Variants in SEMA5A observed in about 807,000 individuals in gnomAD.
SEMA5A encodes semaphorin-5A.
In SEMA5A, 55 loss-of-function variants were observed where a neutral mutation model predicts 135.5. That is an observed-to-expected ratio of 0.41 (90% CI 0.33 to 0.51). The LOEUF (loss-of-function observed/expected upper bound fraction) is 0.51, where lower values mean the gene tolerates loss of function less well. Ranked by LOEUF, SEMA5A falls within the 20% of genes least tolerant of loss-of-function variation. The pLI is 0.37. For synonymous variants in SEMA5A, 580 were observed against 546.5 expected (o/e 1.06, Z -0.85); for missense variants, 1,290 against 1,419.9 (o/e 0.91, Z 1.47).
At chr5:9,482,111 G>A (rs558495345) in intron 1 of SEMA5A, among the ~76,000 whole-genome samples, 3 of 152,190 alleles carry the variant, frequency 2.0e-5, no homozygotes, top group Admixed American at 6.5e-5. Context: ...TAATGTGATC[G>A]CAGTTGTGCT....
chr5:9,055,683 A>G (rs1009986910), intron 18 of SEMA5A, among the ~76,000 whole-genome samples: 1 of 152,182 alleles, frequency 6.6e-6, no homozygotes, highest in African/African-American at 2.4e-5. Context: ...TTTGAACCCA[A>G]TTTAGAAATA....
intron 16 of SEMA5A, among the ~76,000 whole-genome samples, chr5:9,076,868 TTGTGTGTGTG>T (rs70943938): frequency 1.4e-3 from 204 of 144,094 alleles, no homozygotes; most frequent in African/African-American, 3.9e-3. Flanking sequence ...ATTACGATCT[TTGTGTGTGTG>T]TGTGTGTGTG....
Position 9,074,805 on chromosome 5 carries a change from GA to G in SEMA5A, c.2074-8160del, listed in dbSNP as rs543673111. 9.9e-5 allele frequency among the ~76,000 whole-genome samples: 15 copies of G among 152,190 alleles called. No homozygotes were observed. The East Asian group carries it at 1.9e-3, about 20-fold the overall frequency. On this transcript the variant is annotated intron_variant, in intron 16 of 22. Coordinates refer to ENST00000382496, the MANE Select transcript of SEMA5A (RefSeq NM_003966.3). ...TAGAATGACTAAAATTCAAACAACA[GA>G]AAAAACAAAAGCCCCCAAACCCAAA...
intron 22 of SEMA5A, among the ~76,000 whole-genome samples, chr5:9,043,546 TTAA>T (rs1310123028): frequency 1.3e-5 from 2 of 152,188 alleles, no homozygotes; most frequent in Admixed American, 1.3e-4. Context: ...CCATTTTCTA[TTAA>T]TAGTCATTAA....
chr5:9,208,500 G>T (rs1041367383), intron 8 of SEMA5A, among the ~76,000 whole-genome samples: 1 of 152,304 alleles, frequency 6.6e-6, no homozygotes. Context: ...TGAGGACAAG[G>T]GTATGGAGGG....
chr5:9,318,941 G>C (rs986785624), intron 4 of SEMA5A, among the ~76,000 whole-genome samples: 16 of 152,234 alleles, frequency 1.1e-4, no homozygotes, highest in Non-Finnish European at 2.1e-4. Context: ...GTTCACACCT[G>C]TAATCCCAGC....
chr5:9,269,599 T>C (rs1437248714), intron 5 of SEMA5A, among the ~76,000 whole-genome samples: 1 of 152,126 alleles, frequency 6.6e-6, no homozygotes, highest in Admixed American at 6.5e-5. Context: ...AAAATATTCT[T>C]GTTAACACTA....
intron 2 of SEMA5A, among the ~76,000 whole-genome samples, chr5:9,421,668 C>T (rs1443000495): frequency 6.6e-6 from 1 of 152,190 alleles, no homozygotes; most frequent in Admixed American, 6.5e-5. Flanking sequence ...CTTTAATCAG[C>T]ATCCTTACCT....
intron 16 of SEMA5A, among the ~76,000 whole-genome samples, chr5:9,067,973 TG>T (rs1737566742): frequency 6.6e-6 from 1 of 152,218 alleles, no homozygotes; most frequent in Non-Finnish European, 1.5e-5. Context: ...TCTTTTTTTT[TG>T]GTTCTTGATT....
chr5:9,427,067 C>T (rs368731084), intron 2 of SEMA5A, among the ~76,000 whole-genome samples: 93 of 152,282 alleles, frequency 6.1e-4, no homozygotes, highest in African/African-American at 1.8e-3. Context: ...AATCCCAGCA[C>T]TTTGGGAGGC....
intron 1 of SEMA5A, among the ~76,000 whole-genome samples, chr5:9,486,810 A>G (rs1734751777): frequency 6.6e-6 from 1 of 152,192 alleles, no homozygotes; most frequent in Non-Finnish European, 1.5e-5. Flanking sequence ...CCAGAGGTAG[A>G]AAACTTTACC....
At chr5:9,421,411 G>A (rs1223350789) in intron 2 of SEMA5A, among the ~76,000 whole-genome samples, 1 of 152,118 alleles carries the variant, frequency 6.6e-6, no homozygotes, top group Non-Finnish European at 1.5e-5. Flanking sequence ...GAGAGGAAAG[G>A]AAGCAGTAAA....
intron 7 of SEMA5A, among the ~76,000 whole-genome samples, chr5:9,226,557 A>G (rs1747320952): frequency 6.6e-6 from 1 of 152,254 alleles, no homozygotes; most frequent in Non-Finnish European, 1.5e-5. Flanking sequence ...ATAAAGCAGA[A>G]TAAGACAAAA....
intron 5 of SEMA5A, among the ~76,000 whole-genome samples, chr5:9,259,239 T>C (rs543039739): frequency 2.3e-4 from 35 of 152,228 alleles, no homozygotes; most frequent in Non-Finnish European, 4.6e-4. Flanking sequence ...TGGGCAAAAT[T>C]TGCTTTTAAT....
intron 16 of SEMA5A, among the ~76,000 whole-genome samples, chr5:9,090,218 A>G (rs1417479686): frequency 6.6e-6 from 1 of 152,110 alleles, no homozygotes; most frequent in Admixed American, 6.6e-5. Context: ...AACCTGTTCT[A>G]CTTCACACAA....
chr5:9,380,050 G>C (rs1298789470), intron 2 of SEMA5A, 27 bp from the exon 3 acceptor site: 2 of 1,434,036 alleles, frequency 1.4e-6, no homozygotes, highest in Admixed American at 2.4e-5. Context: ...AGAAGAATCA[G>C]ATGACTGTGA....
rs185571629 is a variant in SEMA5A, at chr5:9,300,227, C to G, written c.270+18145G>C. Among the ~76,000 whole-genome samples, 44 of 152,228 alleles carry G rather than the reference C, an allele frequency of 2.9e-4. 2 individuals carry two copies. In the East Asian group the frequency reaches 5.2e-3, roughly 18 times the overall value. ...AATTTTTGTAGAGACAGGGTTTCGC[C>G]ATGTTACCCAGGCTGGTCTCAAACT... is the stretch of plus-strand genomic sequence containing the variant. On this transcript the variant is annotated intron_variant, in intron 5 of 22. Coordinates refer to ENST00000382496, the MANE Select transcript of SEMA5A (RefSeq NM_003966.3).
intron 1 of SEMA5A, among the ~76,000 whole-genome samples, chr5:9,467,829 T>C (rs1264859415): frequency 6.6e-6 from 1 of 152,182 alleles, no homozygotes; most frequent in African/African-American, 2.4e-5. Flanking sequence ...TGTGCAGAAT[T>C]ACTAAATGCT....
At chr5:9,179,542 G>C (rs906290444) in intron 11 of SEMA5A, among the ~76,000 whole-genome samples, 3 of 152,180 alleles carry the variant, frequency 2.0e-5, no homozygotes, top group African/African-American at 7.2e-5. Flanking sequence ...GTGGTTGGGA[G>C]ACCAGGCATC....
Sources: allele counts gnomAD v4.1 joint callset (sites outside exome capture counted in the v4.1 genomes callset), GRCh38; gene constraint gnomAD v4.1.1; transcripts MANE v1.5; gene names NCBI Gene and HGNC (gene_info 2026-07-23, HGNC 2026-07-21).